The following DYNC2I2 variants were observed in gnomAD, a reference collection of about 807,000 sequenced individuals.
DYNC2I2 encodes the protein cytoplasmic dynein 2 intermediate chain 2.
In DYNC2I2, 39 loss-of-function variants were observed where a neutral mutation model predicts 52.0. The observed-to-expected ratio is 0.75, with a 90% CI of 0.58 to 0.98. The LOEUF (loss-of-function observed/expected upper bound fraction) is 0.98, where lower values mean the gene tolerates loss of function less well. Among genes scored for constraint, DYNC2I2 ranks in the 50% least tolerant of loss-of-function variants. The probability of loss-of-function intolerance (pLI) is 0.00; values close to 1 mark genes in which losing one functional copy is unlikely to be tolerated. For missense variants in DYNC2I2, 743 were observed against 728.4 expected (o/e 1.02, Z -0.23); for synonymous variants, 359 against 321.1 (o/e 1.12, Z -1.26).
At position 128,641,303 on chromosome 9, in the gene DYNC2I2, C is replaced by G. The variant is rs28716919; in HGVS notation, c.187-364G>C. On this transcript the variant is annotated intron_variant, in intron 1 of 8. Transcript: ENST00000372715. ...GGGCAGGCAGAACCACATCGGCTCA[C>G]AGCAGCACCCTGGCAGACACATGGT... Among the ~76,000 whole-genome samples, 611 of 152,248 alleles carry G rather than the reference C, an allele frequency of 4.0e-3. 3 individuals carry two copies. Among genetic ancestry groups the G allele is most frequent in the African/African-American group, 0.014 (585 of 41,540 alleles).
the DYNC2I2 span, among the ~76,000 whole-genome samples, chr9:128,674,063 C>G: frequency 6.6e-6 from 1 of 151,880 alleles, no homozygotes; most frequent in Non-Finnish European, 1.5e-5. Context: ...CCACCTCACC[C>G]TCCCAAAGTG....
Position 128,636,351 on chromosome 9 carries a change from C to T in DYNC2I2, c.633G>A (p.Ser211=), listed in dbSNP as rs376954350. The T allele has an allele frequency of 1.6e-5, 25 of 1,606,752 alleles. No individual in the cohort carries two copies. Among genetic ancestry groups the T allele is most frequent in the South Asian group, 3.3e-5 (3 of 89,776 alleles). ...CAGCGCTGGGGACCTCCACCACGGCCGACGGCTGCTGGGGACGCAGGTCTC... is the reference window on the plus strand; with the variant it reads ...CAGCGCTGGGGACCTCCACCACGGCTGACGGCTGCTGGGGACGCAGGTCTC... ...DRRDLRPQQP[S]AVVEVPSAVL... is the part of the protein sequence containing the mutation. The change falls in exon 4 of 9, where the codon TCG becomes TCA. Residue 211 remains serine (S), a synonymous_variant. Coordinates refer to ENST00000372715, the MANE Select transcript of DYNC2I2 (RefSeq NM_052844.4).
chr9:128,638,831 C>T (rs907275375), intron 2 of DYNC2I2, among the ~76,000 whole-genome samples: 1 of 152,226 alleles, frequency 6.6e-6, no homozygotes, highest in Non-Finnish European at 1.5e-5. Context: ...TGAATGTGGT[C>T]TGTCCATGCA....
upstream of DYNC2I2, among the ~76,000 whole-genome samples, chr9:128,659,507 A>C (rs1206449079): frequency 3.3e-5 from 5 of 150,848 alleles, no homozygotes; most frequent in East Asian, 9.9e-4. Flanking sequence ...AAAAAAAAAA[A>C]AAAACACACA....
the DYNC2I2 span, among the ~76,000 whole-genome samples, chr9:128,680,140 A>C: frequency 6.6e-6 from 1 of 151,692 alleles, no homozygotes; most frequent in Non-Finnish European, 1.5e-5. Context: ...GGCTCACCAC[A>C]ACCTCTGCCT....
At chr9:128,681,251 A>C in the DYNC2I2 span, among the ~76,000 whole-genome samples, 1 of 151,820 alleles carries the variant, frequency 6.6e-6, no homozygotes, top group South Asian at 2.1e-4. Flanking sequence ...CCACCACTCC[A>C]GGTTAATTTT....
the DYNC2I2 span, among the ~76,000 whole-genome samples, chr9:128,680,249 C>T: frequency 4.4e-4 from 66 of 151,610 alleles, no homozygotes; most frequent in Non-Finnish European, 7.7e-4. Context: ...TTAATAGAGA[C>T]GGGGTTTTGC....
the DYNC2I2 span, among the ~76,000 whole-genome samples, chr9:128,666,468 A>C: frequency 6.6e-6 from 1 of 152,026 alleles, no homozygotes; most frequent in Non-Finnish European, 1.5e-5. Context: ...GGAATGTTAA[A>C]AATGAAGACA....
At chr9:128,666,630 G>A in the DYNC2I2 span, among the ~76,000 whole-genome samples, 1 of 151,638 alleles carries the variant, frequency 6.6e-6, no homozygotes, top group African/African-American at 2.4e-5. Flanking sequence ...GGCGTGGTCA[G>A]TGCCTATAAT....
At chr9:128,639,406 A>T (rs1182339665) in intron 2 of DYNC2I2, among the ~76,000 whole-genome samples, 2 of 148,170 alleles carry the variant, frequency 1.3e-5, no homozygotes, top group South Asian at 4.3e-4. Flanking sequence ...TCAAAAAAAT[A>T]AAAAAAAAAG....
the DYNC2I2 span, among the ~76,000 whole-genome samples, chr9:128,668,749 G>A: frequency 6.6e-6 from 1 of 150,890 alleles, no homozygotes; most frequent in Non-Finnish European, 1.5e-5. Flanking sequence ...GATCCCAGGA[G>A]GTAGAAGTTG....
chr9:128,677,664 C>T, the DYNC2I2 span, among the ~76,000 whole-genome samples: 3 of 151,422 alleles, frequency 2.0e-5, no homozygotes, highest in Non-Finnish European at 4.4e-5. Flanking sequence ...AAAATTAGCT[C>T]GGCGTGCTGG....
At chr9:128,640,009 A>ATTTTT in intron 2 of DYNC2I2, among the ~76,000 whole-genome samples, 1 of 7,874 alleles carries the variant, frequency 1.3e-4, no homozygotes, top group Non-Finnish European at 2.4e-4. Context: ...CACAGGAGAC[A>ATTTTT]TTCTTTTTTT....
At chr9:128,664,437 A>ATGG in the DYNC2I2 span, among the ~76,000 whole-genome samples, 4 of 151,942 alleles carry the variant, frequency 2.6e-5, no homozygotes, top group African/African-American at 9.7e-5. Flanking sequence ...ATGAATGAAT[A>ATGG]TGGTTCTGTG....
At chr9:128,634,031 C>A (rs1328617757) in intron 8 of DYNC2I2, 49 bp from the exon 9 acceptor site, 17 of 1,600,368 alleles carry the variant, frequency 1.1e-5, no homozygotes, top group Non-Finnish European at 1.5e-5. Context: ...TAGAGACCAA[C>A]CACATGGCAG....
intron 1 of DYNC2I2, among the ~76,000 whole-genome samples, chr9:128,656,140 G>A (rs1425588187): frequency 6.7e-6 from 1 of 148,884 alleles, no homozygotes; most frequent in Non-Finnish European, 1.5e-5. Flanking sequence ...AGCACCGGGG[G>A]CTGAGGCTGC....
intron 2 of DYNC2I2, among the ~76,000 whole-genome samples, chr9:128,638,770 T>C (rs1453904770): frequency 4.6e-5 from 7 of 152,188 alleles, no homozygotes; most frequent in African/African-American, 2.4e-5. Flanking sequence ...TGACTCACTA[T>C]AGCCAAAAAG....
At chr9:128,636,481 GCTC>G (rs755091793) in intron 3 of DYNC2I2, 43 bp from the exon 4 acceptor site, 4 of 1,557,636 alleles carry the variant, frequency 2.6e-6, no homozygotes, top group Non-Finnish European at 3.5e-6. Context: ...CCTGGGTGGG[GCTC>G]CTATCACCCA....
At chr9:128,650,526 C>CATATATATATATATATAT (rs57194999) in intron 1 of DYNC2I2, among the ~76,000 whole-genome samples, 4 of 41,422 alleles carry the variant, frequency 9.7e-5, no homozygotes, top group African/African-American at 2.2e-4. Context: ...GGCCAAAGAC[C>CATATATATATATATATAT]ATATATATAT....
Sources: gnomAD v4.1 joint callset for allele counts (sites outside exome capture counted in the v4.1 genomes callset) on GRCh38, gnomAD v4.1.1 for gene constraint, MANE v1.5 for transcripts, NCBI Gene and HGNC (gene_info 2026-07-23, HGNC 2026-07-21) for gene names.